DAB1: variants seen among roughly 807,000 people sequenced by gnomAD.
The protein encoded by DAB1 is disabled homolog 1.
A neutral mutation model predicts 64.6 loss-of-function variants in DAB1; 15 were observed. That is an observed-to-expected ratio of 0.23 (90% CI 0.16 to 0.36). The LOEUF (loss-of-function observed/expected upper bound fraction) is 0.36, where lower values mean the gene tolerates loss of function less well. DAB1 is among the 10% of genes least tolerant of loss of function. The pLI, the probability that DAB1 is intolerant of heterozygous loss-of-function variation, is 1.00. For synonymous variants in DAB1, 235 were observed against 251.9 expected (o/e 0.93, Z 0.64); for missense variants, 596 against 706.7 (o/e 0.84, Z 1.78).
At chr1:58,002,488 C>A (rs560118232) in intron 5 of DAB1, among the ~76,000 whole-genome samples, 1 of 152,274 alleles carries the variant, frequency 6.6e-6, no homozygotes, top group Non-Finnish European at 1.5e-5. Context: ...ACATTCTTTT[C>A]TTTTCTGGAC....
At chr1:57,387,367 G>A (rs572736708) in intron 1 of DAB1, 1 of 152,230 alleles carries the variant, frequency 6.6e-6, no homozygotes, top group East Asian at 1.9e-4. Context: ...CTCTAAGACA[G>A]GCAAAGGAAA....
intron 2 of DAB1, among the ~76,000 whole-genome samples, chr1:58,510,458 T>C (rs1215168000): frequency 1.3e-5 from 2 of 151,800 alleles, no homozygotes; most frequent in East Asian, 1.9e-4. Context: ...ACACTAGAAA[T>C]AGAAAAAAAT....
chr1:58,409,302 T>G (rs1229409608), intron 3 of DAB1, among the ~76,000 whole-genome samples: 1 of 152,140 alleles, frequency 6.6e-6, no homozygotes, highest in African/African-American at 2.4e-5. Flanking sequence ...AAATTGAACC[T>G]CATACAGGTG....
intron 2 of DAB1, among the ~76,000 whole-genome samples, chr1:57,175,638 C>T (rs1168143235): frequency 2.6e-5 from 4 of 152,118 alleles, no homozygotes; most frequent in African/African-American, 7.2e-5. Flanking sequence ...CGTATCTGCT[C>T]TGAAATAATA....
chr1:58,329,270 T>C lies in DAB1; in HGVS notation n.309+14082A>G, dbSNP rs544908273. ...GCTTTTTTCTATACATACATATCTGTCTTGATATATGCATTCTGATTTTTA... is the reference window on the plus strand; with the variant it reads ...GCTTTTTTCTATACATACATATCTGCCTTGATATATGCATTCTGATTTTTA... On this transcript the variant is annotated intron_variant and non_coding_transcript_variant, in intron 4 of 20. Coordinates refer to the DAB1 transcript ENST00000485760. 4.7e-4 allele frequency among the ~76,000 whole-genome samples: 72 copies of C among 152,344 alleles called. 1 individual carries two copies. The highest frequency in any genetic ancestry group is 1.7e-3 in the African/African-American group (71 of 41,592).
At chr1:57,439,427 T>TTTTTTTTTTTTTTG (rs1685836523) in intron 7 of DAB1, among the ~76,000 whole-genome samples, 1 of 114,594 alleles carries the variant, frequency 8.7e-6, no homozygotes, top group African/African-American at 3.7e-5. Context: ...GGTTTTTTCT[T>TTTTTTTTTTTTTTG]TTTTTTTTTT....
At chr1:58,344,228 T>C (rs1032571045) in intron 3 of DAB1, among the ~76,000 whole-genome samples, 1 of 152,192 alleles carries the variant, frequency 6.6e-6, no homozygotes, top group African/African-American at 2.4e-5. Flanking sequence ...ATTAATGTTA[T>C]AGCAAGGGAG....
intron 5 of DAB1, among the ~76,000 whole-genome samples, chr1:58,065,739 G>T (rs1648818644): frequency 6.6e-6 from 1 of 152,130 alleles, no homozygotes; most frequent in Non-Finnish European, 1.5e-5. Flanking sequence ...ATCTGTGGAG[G>T]GGGAAAAGGA....
chr1:57,068,147 C>A (rs998431828), intron 8 of DAB1, among the ~76,000 whole-genome samples: 19 of 152,168 alleles, frequency 1.2e-4, no homozygotes, highest in South Asian at 4.2e-4. Flanking sequence ...GCAAAGCTTC[C>A]TTTTATTTAA....
chr1:57,401,337 T>C (rs1042974261), intron 1 of DAB1, among the ~76,000 whole-genome samples: 3 of 152,244 alleles, frequency 2.0e-5, no homozygotes, highest in Admixed American at 1.3e-4. Context: ...AGTTTATTCA[T>C]GTGGTTGCTA....
intron 3 of DAB1, among the ~76,000 whole-genome samples, chr1:58,472,408 ATT>A (rs1426557585): frequency 6.6e-6 from 1 of 152,100 alleles, no homozygotes; most frequent in African/African-American, 2.4e-5. Context: ...TATAGTTTTT[ATT>A]TTGTTTTATT....
intron 1 of DAB1, among the ~76,000 whole-genome samples, chr1:57,406,113 C>T (rs1473403832): frequency 1.3e-5 from 2 of 152,142 alleles, no homozygotes; most frequent in Non-Finnish European, 1.5e-5. Context: ...TGTCATGGTC[C>T]CCTGATGGAG....
chr1:57,329,005 C>T (rs1002257479), intron 1 of DAB1, among the ~76,000 whole-genome samples: 6 of 152,160 alleles, frequency 3.9e-5, no homozygotes, highest in Non-Finnish European at 8.8e-5. Flanking sequence ...ATGTTGACAG[C>T]ACTTTAAGAA....
chr1:58,083,863 G>A (rs891034139), intron 5 of DAB1, among the ~76,000 whole-genome samples: 1 of 152,214 alleles, frequency 6.6e-6, no homozygotes, highest in African/African-American at 2.4e-5. Flanking sequence ...TTGAGGAGGT[G>A]ACATTTGAGC....
At chr1:58,126,177 G>C (rs1253483790) in intron 5 of DAB1, among the ~76,000 whole-genome samples, 1 of 152,168 alleles carries the variant, frequency 6.6e-6, no homozygotes, top group East Asian at 1.9e-4. Flanking sequence ...AGGCCTTAAA[G>C]AACCCACTTG....
At chr1:57,631,821 A>AG (rs1645992912) in intron 7 of DAB1, among the ~76,000 whole-genome samples, 1 of 152,254 alleles carries the variant, frequency 6.6e-6, no homozygotes, top group Non-Finnish European at 1.5e-5. Flanking sequence ...GACCCAAAGG[A>AG]GGGGTCAGTA....
At chr1:58,387,722 CTTT>C (rs35563837) in intron 3 of DAB1, among the ~76,000 whole-genome samples, 19 of 65,524 alleles carry the variant, frequency 2.9e-4, no homozygotes, top group African/African-American at 4.8e-4. Context: ...CTTTTCTTTT[CTTT>C]TTTTTTTTTT....
chr1:57,065,348 G>A (rs7529536), intron 8 of DAB1, among the ~76,000 whole-genome samples: 35,835 of 152,140 alleles, frequency 0.24, 4,580 homozygotes, highest in Middle Eastern at 0.33. Context: ...CCCTGGGACA[G>A]TGATGGTGAA....
chr1:57,435,080 G>T (rs1311476184), intron 7 of DAB1, among the ~76,000 whole-genome samples: 1 of 121,974 alleles, frequency 8.2e-6, no homozygotes, highest in East Asian at 2.3e-4. Context: ...AGAGAGTCTC[G>T]CTCTGTCACC....
Sources: allele counts gnomAD v4.1 joint callset (sites outside exome capture counted in the v4.1 genomes callset), GRCh38; gene constraint gnomAD v4.1.1; transcripts MANE v1.5; gene names NCBI Gene and HGNC (gene_info 2026-07-23, HGNC 2026-07-21).